KLF7: variants seen among roughly 807,000 people sequenced by gnomAD.
KLF7 encodes Krueppel-like factor 7.
A neutral mutation model predicts 27.3 loss-of-function variants in KLF7; 2 were observed. The observed-to-expected ratio is 0.07, with a 90% CI of 0.03 to 0.23. The LOEUF (loss-of-function observed/expected upper bound fraction) is 0.23, where lower values mean the gene tolerates loss of function less well. Ranked by LOEUF, KLF7 falls within the 10% of genes least tolerant of loss-of-function variation. KLF7 has a pLI of 1.00. For synonymous variants in KLF7, 165 were observed against 162.4 expected, an observed-to-expected ratio of 1.02 and a Z score of -0.12; for missense variants, 221 against 394.1, an observed-to-expected ratio of 0.56 and a Z score of 3.72.
intron 3 of KLF7, among the ~76,000 whole-genome samples, chr2:207,083,515 G>A (rs1037883627): frequency 6.6e-6 from 1 of 152,160 alleles, no homozygotes; most frequent in East Asian, 1.9e-4. Flanking sequence ...TTTGAACACA[G>A]GCAGTCTGAC....
In KLF7 at chr2:207,088,446, A is replaced by G. The variant is rs767170466; in HGVS notation, c.857+12T>C. ...TCTCCTCCCTAGCCCATCAACTTCT[A>G]CTTCTCTTTACCTGTCGCAGTGGTT... is the stretch of plus-strand genomic sequence containing the variant. On this transcript the variant is annotated intron_variant, in intron 3 of 3. Coordinates refer to ENST00000309446, the MANE Select transcript of KLF7 (RefSeq NM_003709.4). 12 of 1,612,486 alleles carry G rather than the reference A, an allele frequency of 7.4e-6. No individual in the cohort carries two copies. The East Asian group carries it at 2.0e-4, about 27-fold the overall frequency.
intron 1 of KLF7, among the ~76,000 whole-genome samples, chr2:207,153,692 G>T (rs1000620803): frequency 2.6e-5 from 4 of 151,978 alleles, no homozygotes; most frequent in Non-Finnish European, 5.9e-5. Flanking sequence ...TCAAGTAGTG[G>T]AAAATCTTTG....
the KLF7 span, among the ~76,000 whole-genome samples, chr2:207,172,274 A>G: frequency 6.6e-6 from 1 of 152,134 alleles, no homozygotes; most frequent in African/African-American, 2.4e-5. Context: ...GGCCAAAGAG[A>G]ATCTGAACAA....
intron 1 of KLF7, among the ~76,000 whole-genome samples, chr2:207,155,975 T>G (rs576776183): frequency 3.2e-4 from 48 of 152,288 alleles, no homozygotes; most frequent in Non-Finnish European, 5.0e-4. Context: ...CTCTGGAAGG[T>G]GAATGTGAGA....
intron 1 of KLF7, among the ~76,000 whole-genome samples, chr2:207,131,297 T>C (rs1317219093): frequency 6.6e-6 from 1 of 152,212 alleles, no homozygotes; most frequent in African/African-American, 2.4e-5. Context: ...TGGGAGCCCT[T>C]TCTGACATTT....
At position 207,081,155 on chromosome 2, in the gene KLF7, T is replaced by G. The variant is rs2076261814; in HGVS notation, c.*58A>C. On this transcript the variant is annotated 3_prime_UTR_variant, in exon 4 of 4. Transcript: ENST00000309446. ...CCCGCCTGAAGTCCAGCCCCCTGCC[T>G]CATGGCGTTTCCTTTAGACACTAGC... 2 of 1,519,776 alleles carry G rather than the reference T, an allele frequency of 1.3e-6. No individual in the cohort carries two copies. The highest frequency in any genetic ancestry group is 3.3e-5 in the Admixed American group (2 of 59,870). The allele number at this position is 1,519,776 out of a possible 1,614,324, so 94.1% of individuals were successfully genotyped here.
At chr2:207,135,142 A>C (rs1347419377) in intron 1 of KLF7, among the ~76,000 whole-genome samples, 1 of 152,212 alleles carries the variant, frequency 6.6e-6, no homozygotes, top group Non-Finnish European at 1.5e-5. Context: ...GGGTGACTTT[A>C]ACTTCAATGG....
chr2:207,142,767 G>A (rs944601243), intron 1 of KLF7, among the ~76,000 whole-genome samples: 1 of 152,224 alleles, frequency 6.6e-6, no homozygotes, highest in Non-Finnish European at 1.5e-5. Flanking sequence ...GGAAAAGGAT[G>A]AGCAGTCTAG....
chr2:207,088,241 G>C (rs2076435395), intron 3 of KLF7, among the ~76,000 whole-genome samples: 1 of 152,106 alleles, frequency 6.6e-6, no homozygotes, highest in African/African-American at 2.4e-5. Context: ...TTCTGTAAAT[G>C]CTTGTGTAAC....
At chr2:207,155,546 G>C (rs764554952) in intron 1 of KLF7, among the ~76,000 whole-genome samples, 4 of 152,190 alleles carry the variant, frequency 2.6e-5, no homozygotes, top group Admixed American at 1.3e-4. Context: ...ACAGATGTTT[G>C]TTACATTCTC....
chr2:207,149,200 T>C, intron 1 of KLF7: 1 of 1,274,424 alleles, frequency 7.8e-7, no homozygotes, highest in South Asian at 1.2e-5. Flanking sequence ...TCAATAATTT[T>C]CTGAGGAGAA....
At chr2:207,090,190 G>A (rs1419269383) in intron 2 of KLF7, among the ~76,000 whole-genome samples, 3 of 152,126 alleles carry the variant, frequency 2.0e-5, no homozygotes, top group East Asian at 1.9e-4. Context: ...AGGACATGAA[G>A]GAGGGCTGGA....
chr2:207,161,686 G>A (rs2078551156), intron 1 of KLF7, among the ~76,000 whole-genome samples: 1 of 152,180 alleles, frequency 6.6e-6, no homozygotes, highest in Non-Finnish European at 1.5e-5. Context: ...TTTTCCCCTA[G>A]AGATTCCTTA....
chr2:207,133,987 T>G lies in KLF7; in HGVS notation c.103-9583A>C, dbSNP rs953640552. The G allele has an allele frequency of 2.6e-5, 28 of 1,066,180 alleles. No homozygotes were observed. The Admixed American group carries it at 3.3e-4, about 12-fold the overall frequency. 66.0% of individuals were successfully genotyped at this position (1,066,180 alleles called of 1,614,324 possible). ...AATCCTGTTTTACAGCCCGCTCTTA[T>G]GCACCCCCACCCGCTCCTGTTAACT... On this transcript the variant is annotated intron_variant, in intron 1 of 3. Transcript: ENST00000309446.
chr2:207,094,114 T>A (rs2076572884), intron 2 of KLF7, among the ~76,000 whole-genome samples: 2 of 152,250 alleles, frequency 1.3e-5, no homozygotes, highest in African/African-American at 4.8e-5. Context: ...ATAAGTGATA[T>A]GTCAAATGTA....
intron 2 of KLF7, among the ~76,000 whole-genome samples, chr2:207,111,215 T>C (rs1180839321): frequency 6.6e-6 from 1 of 152,192 alleles, no homozygotes; most frequent in South Asian, 2.1e-4. Context: ...TCTTCAGACA[T>C]TGACAGGATG....
At chr2:207,152,902 C>T (rs2106112148) in intron 1 of KLF7, among the ~76,000 whole-genome samples, 1 of 152,156 alleles carries the variant, frequency 6.6e-6, no homozygotes, top group East Asian at 1.9e-4. Context: ...ATAGTGGGGA[C>T]AGGGTTAATT....
chr2:207,113,960 A>G (rs1319176392), intron 2 of KLF7, among the ~76,000 whole-genome samples: 5 of 152,218 alleles, frequency 3.3e-5, no homozygotes, highest in Non-Finnish European at 5.9e-5. Flanking sequence ...AAGCCTTGAG[A>G]CACTAAACAA....
intron 1 of KLF7, among the ~76,000 whole-genome samples, chr2:207,130,880 G>A (rs988285991): frequency 1.3e-5 from 2 of 152,122 alleles, no homozygotes; most frequent in Admixed American, 1.3e-4. Context: ...TAAAGAAATT[G>A]CAATTTTCTA....
Sources: allele counts gnomAD v4.1 joint callset (sites outside exome capture counted in the v4.1 genomes callset), GRCh38; gene constraint gnomAD v4.1.1; transcripts MANE v1.5; gene names NCBI Gene and HGNC (gene_info 2026-07-23, HGNC 2026-07-21).